MID1: variants seen among roughly 807,000 people sequenced by gnomAD.
MID1 encodes the protein midline 1, also known as E3 ubiquitin-protein ligase Midline-1.
A neutral mutation model predicts 40.4 loss-of-function variants in MID1; 7 were observed. That is an observed-to-expected ratio of 0.17 (90% CI 0.10 to 0.33). The LOEUF (loss-of-function observed/expected upper bound fraction) is 0.33, where lower values mean the gene tolerates loss of function less well. Ranked by LOEUF, MID1 falls within the 10% of genes least tolerant of loss-of-function variation. MID1 has a pLI of 1.00. For synonymous variants in MID1, 229 were observed against 221.2 expected, an observed-to-expected ratio of 1.04 and a Z score of -0.31; for missense variants, 367 against 558.5, an observed-to-expected ratio of 0.66 and a Z score of 3.46.
chrX:10,801,522 A>C (rs2044007477), intron 1 of MID1, among the ~76,000 whole-genome samples: 1 of 111,917 alleles, frequency 8.9e-6, no homozygotes, highest in African/African-American at 3.3e-5. Context: ...AGGTAGCCTT[A>C]ACCTTCCTGA....
At chrX:10,502,659 T>C (rs185655541) in intron 3 of MID1, among the ~76,000 whole-genome samples, 27 of 111,374 alleles carry the variant, frequency 2.4e-4, no homozygotes, top group African/African-American at 8.8e-4. Flanking sequence ...TACCAAGGAG[T>C]TGGGAGTTTA....
intron 1 of MID1, among the ~76,000 whole-genome samples, chrX:10,698,811 T>C (rs1439869230): frequency 2.7e-5 from 3 of 111,236 alleles, no homozygotes; most frequent in Non-Finnish European, 5.7e-5. Flanking sequence ...ACATTTTCCT[T>C]TGTGAAAGTG....
At chrX:10,457,146 A>G (rs1302231296) in intron 8 of MID1, among the ~76,000 whole-genome samples, 1 of 112,013 alleles carries the variant, frequency 8.9e-6, no homozygotes, top group Non-Finnish European at 1.9e-5. Flanking sequence ...AGCAGGAAGA[A>G]ATTCCTTAAT....
At chrX:10,725,155 C>T (rs2043381217) in intron 1 of MID1, among the ~76,000 whole-genome samples, 1 of 111,978 alleles carries the variant, frequency 8.9e-6, no homozygotes. Context: ...AATGATGTCA[C>T]TGTGACACTA....
chrX:10,808,511 C>T (rs1009140335), intron 1 of MID1, among the ~76,000 whole-genome samples: 2 of 110,364 alleles, frequency 1.8e-5, no homozygotes, highest in African/African-American at 6.6e-5. Context: ...TCTCTGGTGC[C>T]TCTCTCTATG....
intron 2 of MID1, among the ~76,000 whole-genome samples, chrX:10,541,468 C>T (rs1933466852): frequency 9.0e-6 from 1 of 110,867 alleles, no homozygotes; most frequent in Admixed American, 9.7e-5. Flanking sequence ...TTTGTGCACA[C>T]CATCTCTTTT....
chrX:10,613,867 T>C (rs1374693546), intron 1 of MID1, among the ~76,000 whole-genome samples: 1 of 105,831 alleles, frequency 9.4e-6, no homozygotes, highest in Non-Finnish European at 1.9e-5. Flanking sequence ...TCATAACCTA[T>C]GCTAATTTTC....
chrX:10,460,089 G>C (rs995523133), intron 7 of MID1: 6 of 379,775 alleles, frequency 1.6e-5, no homozygotes, highest in Non-Finnish European at 2.8e-5. Context: ...CTTTGAATTT[G>C]GTCAAGTGAC....
intron 2 of MID1, among the ~76,000 whole-genome samples, chrX:10,537,250 G>T (rs1055936883): frequency 9.0e-6 from 1 of 111,378 alleles, no homozygotes; most frequent in African/African-American, 3.3e-5. Flanking sequence ...AGAGGATCCA[G>T]ACTCATCTGT....
intron 3 of MID1, among the ~76,000 whole-genome samples, chrX:10,514,478 C>A (rs1051497380): frequency 2.7e-5 from 3 of 111,868 alleles, no homozygotes; most frequent in African/African-American, 9.8e-5. Context: ...GTCAAGGGCA[C>A]TGAATCCAAA....
intron 1 of MID1, among the ~76,000 whole-genome samples, chrX:10,791,642 C>T (rs1265741315): frequency 9.0e-6 from 1 of 111,366 alleles, no homozygotes; most frequent in African/African-American, 3.3e-5. Context: ...CTGATCATAA[C>T]GGGAGTCCAA....
intron 1 of MID1, among the ~76,000 whole-genome samples, chrX:10,662,333 TACAC>T (rs1314035016): frequency 3.6e-5 from 4 of 110,412 alleles, no homozygotes; most frequent in African/African-American, 1.3e-4. Context: ...AACAAACAGA[TACAC>T]ACACAAAACA....
chrX:10,563,875 A>G (rs988844721), intron 2 of MID1, among the ~76,000 whole-genome samples: 3 of 112,237 alleles, frequency 2.7e-5, no homozygotes, highest in African/African-American at 6.5e-5. Context: ...TGATATTCTG[A>G]TTTTTTGTAT....
chrX:10,626,985 T>C lies in MID1; in HGVS notation c.-186-6566A>G, dbSNP rs1936002315. Among the ~76,000 whole-genome samples the C allele has an allele frequency of 2.7e-5, 3 of 111,775 alleles. 1 individual carries two copies. Among genetic ancestry groups the C allele is most frequent in the Non-Finnish European group, 5.6e-5 (3 of 53,098 alleles). On this transcript the variant is annotated intron_variant, in intron 1 of 10. Coordinates refer to the MID1 transcript ENST00000380785. ...ACATTATGGGAAATATGGAGATACA[T>C]AGCAGAGGAGATATTTGCCAGTTGA... is the stretch of plus-strand genomic sequence containing the variant.
chrX:10,658,428 T>TAAAAAAAAAAAA (rs35116185), intron 1 of MID1, among the ~76,000 whole-genome samples: 1 of 5,570 alleles, frequency 1.8e-4, no homozygotes, highest in African/African-American at 3.5e-4. Flanking sequence ...CCTTCAACTG[T>TAAAAAAAAAAAA]AAAAAAAAAA....
intron 1 of MID1, among the ~76,000 whole-genome samples, chrX:10,742,071 C>G (rs1289702075): frequency 9.0e-6 from 1 of 110,766 alleles, no homozygotes; most frequent in Non-Finnish European, 1.9e-5. Flanking sequence ...ACCACAGCCC[C>G]TCCCTCGCCC....
intron 2 of MID1, among the ~76,000 whole-genome samples, chrX:10,550,583 C>T (rs1465306490): frequency 8.9e-6 from 1 of 112,080 alleles, no homozygotes; most frequent in Non-Finnish European, 1.9e-5. Flanking sequence ...CAGCTCTCTA[C>T]ATCTCAAAGT....
chrX:10,636,784 G>GTATATATATATATA (rs1198448070), intron 1 of MID1, among the ~76,000 whole-genome samples: 133 of 12,138 alleles, frequency 0.011, 2 homozygotes, highest in African/African-American at 0.053. Flanking sequence ...CCAACAATGG[G>GTATATATATATATA]GATATATATA....
chrX:10,480,490 T>C (rs180687743), intron 5 of MID1, among the ~76,000 whole-genome samples: 1 of 112,495 alleles, frequency 8.9e-6, no homozygotes, highest in Non-Finnish European at 1.9e-5. Context: ...TCAAAGTTCA[T>C]AGATGGAGAA....
Sources: gnomAD v4.1 joint callset for allele counts (sites outside exome capture counted in the v4.1 genomes callset) on GRCh38, gnomAD v4.1.1 for gene constraint, MANE v1.5 for transcripts, NCBI Gene and HGNC (gene_info 2026-07-23, HGNC 2026-07-21) for gene names.